The following NFIB variants were observed in gnomAD, a reference collection of about 807,000 sequenced individuals.
The protein encoded by NFIB is nuclear factor 1 B-type.
NFIB carries 11 observed loss-of-function variants against 61.5 expected under a neutral mutation model. The ratio of observed to expected loss-of-function variants is 0.18; its 90% CI spans 0.11 to 0.30. NFIB has a LOEUF of 0.30. NFIB is among the 10% of genes least tolerant of loss of function. NFIB has a pLI of 1.00. For missense variants in NFIB, 471 were observed against 608.9 expected, an observed-to-expected ratio of 0.77 and a Z score of 2.38; for synonymous variants, 260 against 216.5, an observed-to-expected ratio of 1.20 and a Z score of -1.76.
chr9:14,241,211 T>C (rs937869400), intron 2 of NFIB, among the ~76,000 whole-genome samples: 1 of 152,206 alleles, frequency 6.6e-6, no homozygotes, highest in African/African-American at 2.4e-5. Context: ...ACTGCCTCAA[T>C]AGTTATGTAT....
the NFIB span, among the ~76,000 whole-genome samples, chr9:14,470,752 A>C: frequency 6.6e-6 from 1 of 152,202 alleles, no homozygotes; most frequent in Non-Finnish European, 1.5e-5. Context: ...TGCCGAAACT[A>C]GGAGGAAACA....
At chr9:14,305,949 A>G (rs754130837) in intron 2 of NFIB, 1 of 1,335,278 alleles carries the variant, frequency 7.5e-7, no homozygotes, top group South Asian at 2.0e-5. Context: ...TGATTGTTTT[A>G]CTATGGATTG....
intron 2 of NFIB, among the ~76,000 whole-genome samples, chr9:14,262,362 C>T (rs1251202799): frequency 6.6e-6 from 1 of 152,322 alleles, no homozygotes; most frequent in Non-Finnish European, 1.5e-5. Flanking sequence ...AGTAAAACTA[C>T]TTTCTTTCTC....
chr9:14,093,872 G>C (rs1422238958), intron 10 of NFIB, among the ~76,000 whole-genome samples: 2 of 152,074 alleles, frequency 1.3e-5, no homozygotes, highest in African/African-American at 2.4e-5. Flanking sequence ...AAACACTTAA[G>C]TTGAATCTAT....
At chr9:14,474,924 C>T in the NFIB span, among the ~76,000 whole-genome samples, 17 of 152,282 alleles carry the variant, frequency 1.1e-4, no homozygotes, top group Admixed American at 1.1e-3. Context: ...GGGAATTCAC[C>T]CTTCACTCTG....
At chr9:14,371,256 T>C (rs1310227887) in intron 1 of NFIB, among the ~76,000 whole-genome samples, 1 of 152,240 alleles carries the variant, frequency 6.6e-6, no homozygotes, top group African/African-American at 2.4e-5. Flanking sequence ...CATTATATGT[T>C]AGCTTTGGAC....
chr9:14,198,015 T>C (rs777035472), intron 2 of NFIB, among the ~76,000 whole-genome samples: 3 of 152,208 alleles, frequency 2.0e-5, no homozygotes, highest in Non-Finnish European at 4.4e-5. Flanking sequence ...TGAACTTTCC[T>C]GGAGTCTACA....
At chr9:14,275,633 T>A (rs1277997208) in intron 2 of NFIB, among the ~76,000 whole-genome samples, 1 of 152,132 alleles carries the variant, frequency 6.6e-6, no homozygotes, top group East Asian at 1.9e-4. Context: ...TTCCTAGTTG[T>A]GAGTACTTAT....
At chr9:14,231,135 A>AAAAATATATATAT (rs55959148) in intron 2 of NFIB, among the ~76,000 whole-genome samples, 10 of 35,352 alleles carry the variant, frequency 2.8e-4, no homozygotes, top group Non-Finnish European at 3.8e-4. Context: ...AAAAAAAAAA[A>AAAAATATATATAT]ATATATATAT....
At chr9:14,332,199 G>C (rs537908313) in intron 1 of NFIB, among the ~76,000 whole-genome samples, 3 of 151,960 alleles carry the variant, frequency 2.0e-5, no homozygotes, top group Admixed American at 1.3e-4. Flanking sequence ...TGGGCGTCGT[G>C]GTGGGCGCCT....
intron 2 of NFIB, among the ~76,000 whole-genome samples, chr9:14,285,978 C>T (rs2058683321): frequency 1.3e-5 from 2 of 152,248 alleles, no homozygotes; most frequent in South Asian, 4.2e-4. Context: ...AGATAGTACT[C>T]CTGATTTCCA....
the NFIB span, among the ~76,000 whole-genome samples, chr9:14,503,104 A>ATG: frequency 2.1e-5 from 3 of 144,426 alleles, no homozygotes; most frequent in African/African-American, 5.2e-5. Context: ...ATATATATAT[A>ATG]TATGTGTGTA....
At chr9:14,212,146 G>C (rs2050378209) in intron 2 of NFIB, among the ~76,000 whole-genome samples, 1 of 152,204 alleles carries the variant, frequency 6.6e-6, no homozygotes, top group African/African-American at 2.4e-5. Context: ...CCCTGAGAAA[G>C]CCTAGCCTAC....
At chr9:14,511,417 G>A in the NFIB span, among the ~76,000 whole-genome samples, 1 of 151,558 alleles carries the variant, frequency 6.6e-6, no homozygotes, top group Non-Finnish European at 1.5e-5. Flanking sequence ...TAATTTTTAT[G>A]TAATCAAATT....
At chr9:14,314,422 C>G (rs2060444553), upstream of NFIB, 1 of 151,862 alleles carries the variant, frequency 6.6e-6, no homozygotes, top group Admixed American at 6.6e-5. Flanking sequence ...AAAACGATCT[C>G]CTGAAAAATT....
intron 1 of NFIB, among the ~76,000 whole-genome samples, chr9:14,348,385 C>G (rs877570): frequency 0.24 from 35,902 of 150,928 alleles, 5,386 homozygotes; most frequent in Middle Eastern, 0.47. Flanking sequence ...CAGCCTGAAG[C>G]AGCTTATTTA....
intron 1 of NFIB, among the ~76,000 whole-genome samples, chr9:14,391,472 G>C (rs1488706236): frequency 7.9e-6 from 1 of 126,118 alleles, no homozygotes. Flanking sequence ...TAGATAGGAA[G>C]GAAACACCTG....
intron 1 of NFIB, among the ~76,000 whole-genome samples, chr9:14,336,928 GGACAA>G (rs2060892466): frequency 6.6e-6 from 1 of 152,090 alleles, no homozygotes; most frequent in Non-Finnish European, 1.5e-5. Context: ...AAGGGGCCAC[GGACAA>G]TATATAAACA....
chr9:14,288,376 G>C (rs1447774510), intron 2 of NFIB, among the ~76,000 whole-genome samples: 1 of 151,978 alleles, frequency 6.6e-6, no homozygotes, highest in Non-Finnish European at 1.5e-5. Flanking sequence ...AAGCCATTTA[G>C]TATTAAATAT....
Sources: gnomAD v4.1 joint callset for allele counts (sites outside exome capture counted in the v4.1 genomes callset) on GRCh38, gnomAD v4.1.1 for gene constraint, MANE v1.5 for transcripts, NCBI Gene and HGNC (gene_info 2026-07-23, HGNC 2026-07-21) for gene names.